The following CSMD1 variants were observed in gnomAD, a reference collection of about 807,000 sequenced individuals.
CSMD1 encodes the protein CUB and Sushi multiple domains 1, also known as CUB and sushi domain-containing protein 1.
A neutral mutation model predicts 417.5 loss-of-function variants in CSMD1; 213 were observed. The observed-to-expected ratio is 0.51, with a 90% confidence interval of 0.46 to 0.57. The LOEUF is 0.57. CSMD1 is among the 20% of genes least tolerant of loss of function. CSMD1 has a pLI of 0.00. For synonymous variants in CSMD1, 2,862 were observed against 1,736.8 expected, an observed-to-expected ratio of 1.65 and a Z score of -16.11; for missense variants, 6,923 against 4,529.7, an observed-to-expected ratio of 1.53 and a Z score of -15.17.
At chr8:4,040,609 G>A (rs898804146) in intron 3 of CSMD1, among the ~76,000 whole-genome samples, 2 of 152,176 alleles carry the variant, frequency 1.3e-5, no homozygotes, top group African/African-American at 4.8e-5. Context: ...ATGGATTGGG[G>A]AGACTTACGA....
chr8:4,880,108 G>T (rs1266545582), intron 1 of CSMD1, among the ~76,000 whole-genome samples: 1 of 151,900 alleles, frequency 6.6e-6, no homozygotes, highest in Non-Finnish European at 1.5e-5. Context: ...TTATTATTTC[G>T]GTCTAAGAAA....
intron 5 of CSMD1, among the ~76,000 whole-genome samples, chr8:3,957,779 CAAG>C (rs1167241800): frequency 2.0e-5 from 3 of 151,822 alleles, no homozygotes; most frequent in Non-Finnish European, 1.5e-5. Flanking sequence ...TTTTCCATGC[CAAG>C]AAGAATAATG....
At chr8:4,915,846 C>G (rs1007509074) in intron 1 of CSMD1, among the ~76,000 whole-genome samples, 1 of 152,192 alleles carries the variant, frequency 6.6e-6, no homozygotes, top group Non-Finnish European at 1.5e-5. Flanking sequence ...ACAATGGCAT[C>G]CTGCCTATTT....
At chr8:4,138,107 C>G (rs868412614) in intron 3 of CSMD1, among the ~76,000 whole-genome samples, 1 of 121,786 alleles carries the variant, frequency 8.2e-6, no homozygotes. Flanking sequence ...AGTAGAGACG[C>G]GGTTTCACCG....
chr8:4,523,073 A>G (rs2130408218), intron 2 of CSMD1, among the ~76,000 whole-genome samples: 1 of 152,342 alleles, frequency 6.6e-6, no homozygotes, highest in Non-Finnish European at 1.5e-5. Context: ...ATTCACAGAT[A>G]TAGAAACTCC....
intron 5 of CSMD1, among the ~76,000 whole-genome samples, chr8:3,821,779 C>T (rs1162991936): frequency 6.6e-6 from 1 of 152,058 alleles, no homozygotes; most frequent in East Asian, 1.9e-4. Flanking sequence ...GAGACTCTGT[C>T]TCAAAAAAAC....
At chr8:3,889,053 C>G (rs1439243362) in intron 5 of CSMD1, among the ~76,000 whole-genome samples, 1 of 151,984 alleles carries the variant, frequency 6.6e-6, no homozygotes, top group Non-Finnish European at 1.5e-5. Context: ...TTAAAAGGAG[C>G]TTAATATGTT....
intron 12 of CSMD1, among the ~76,000 whole-genome samples, chr8:3,463,831 T>C (rs1816652799): frequency 6.6e-6 from 1 of 152,194 alleles, no homozygotes; most frequent in African/African-American, 2.4e-5. Context: ...ATGCTGGTTT[T>C]TGAACCATCT....
At chr8:3,392,326 G>A (rs1048439566) in intron 17 of CSMD1, among the ~76,000 whole-genome samples, 2 of 152,068 alleles carry the variant, frequency 1.3e-5, no homozygotes, top group Non-Finnish European at 2.9e-5. Flanking sequence ...TGGGTCACAG[G>A]CAACCCACTT....
intron 12 of CSMD1, among the ~76,000 whole-genome samples, chr8:3,464,345 T>C (rs1218623309): frequency 4.6e-5 from 7 of 152,188 alleles, no homozygotes. Context: ...TTGCTTCTTG[T>C]TAACTTCCTC....
In CSMD1 at chr8:4,635,693, C is replaced by A. The variant is rs138500761; in HGVS notation, c.302+1649G>T. Among the ~76,000 whole-genome samples the A allele has an allele frequency of 1.7e-4, 26 of 152,094 alleles. No individual in the cohort carries two copies. The East Asian group carries it at 5.0e-3, about 29-fold the overall frequency. ...ATTACCATTATAATACACTACTATA[C>A]CCTAGTAGCGTTGATAATTGACAAC... On this transcript the variant is annotated intron_variant, in intron 2 of 69. Coordinates refer to ENST00000635120, the MANE Select transcript of CSMD1 (RefSeq NM_033225.6).
At chr8:3,603,992 T>G (rs572466067) in intron 8 of CSMD1, among the ~76,000 whole-genome samples, 2 of 152,356 alleles carry the variant, frequency 1.3e-5, no homozygotes, top group Admixed American at 1.3e-4. Flanking sequence ...TTTTGCATAC[T>G]GAATCAATAT....
rs184635373 is a variant in CSMD1 at position 4,461,932 on chromosome 8, G to A, written c.303-41867C>T. Among the ~76,000 whole-genome samples, 755 of 151,910 alleles carry A rather than the reference G, an allele frequency of 5.0e-3. 10 individuals are homozygous for A. Among genetic ancestry groups the A allele is most frequent in the South Asian group, 0.03 (144 of 4,796 alleles). On this transcript the variant is annotated intron_variant, in intron 2 of 69. Coordinates refer to ENST00000635120, the MANE Select transcript of CSMD1 (RefSeq NM_033225.6). ...ATTTTTCTGTATTTTTAGAAGAGAC[G>A]GGGTTTCATCATGTTAGCCAGGATG...
chr8:4,407,037 T>G (rs2128932119), intron 3 of CSMD1, among the ~76,000 whole-genome samples: 1 of 152,280 alleles, frequency 6.6e-6, no homozygotes, highest in South Asian at 2.1e-4. Context: ...TCTTGGTAAA[T>G]AAAGATTTAT....
intron 3 of CSMD1, among the ~76,000 whole-genome samples, chr8:4,210,469 C>G (rs1316649607): frequency 1.3e-5 from 2 of 152,160 alleles, no homozygotes; most frequent in Non-Finnish European, 2.9e-5. Flanking sequence ...TAACTTTGAA[C>G]TGCAAACAGA....
intron 1 of CSMD1, chr8:4,787,519 G>A (rs1168486101): frequency 1.8e-6 from 2 of 1,097,060 alleles, no homozygotes; most frequent in South Asian, 1.3e-5. Context: ...AGTTATTATA[G>A]GAAGCAGGTA....
At chr8:4,785,755 A>C (rs570641477) in intron 1 of CSMD1, among the ~76,000 whole-genome samples, 5 of 152,174 alleles carry the variant, frequency 3.3e-5, no homozygotes, top group Non-Finnish European at 5.9e-5. Flanking sequence ...TCATACAAAT[A>C]ATAGTACTTT....
At position 3,262,222 on chromosome 8, in the gene CSMD1, TATATATATAC is replaced by T. The variant is rs1275172006; in HGVS notation, c.4153+21912_4153+21921del. ...ATATATATATATATATATATATATA[TATATATATAC>T]ACACACATAGTTAATTTCAAAATTC... On this transcript the variant is annotated intron_variant, in intron 26 of 69. Transcript: ENST00000635120. Among the ~76,000 whole-genome samples the T allele has an allele frequency of 5.4e-4, 68 of 125,814 alleles. 1 individual carries two copies. Among genetic ancestry groups the T allele is most frequent in the Middle Eastern group, 4.0e-3 (1 of 248 alleles). The allele number at this position is 125,814 out of a possible 152,430, so 82.5% of individuals were successfully genotyped here. A position where few individuals can be genotyped will look rare whatever the true frequency, so the allele number is the denominator to read the frequency against.
At chr8:4,588,280 G>A (rs902100516) in intron 2 of CSMD1, among the ~76,000 whole-genome samples, 1 of 151,990 alleles carries the variant, frequency 6.6e-6, no homozygotes, top group Non-Finnish European at 1.5e-5. Context: ...TCCATTAAAT[G>A]CTGATACTAG....
Sources: allele counts gnomAD v4.1 joint callset (sites outside exome capture counted in the v4.1 genomes callset), GRCh38; gene constraint gnomAD v4.1.1; transcripts MANE v1.5; gene names NCBI Gene and HGNC (gene_info 2026-07-23, HGNC 2026-07-21).